DBNL: variants seen among roughly 807,000 people sequenced by gnomAD.
DBNL encodes the protein drebrin-like protein.
In DBNL, 35 loss-of-function variants were observed where a neutral mutation model predicts 62.2. The ratio of observed to expected loss-of-function variants is 0.56; its 90% CI spans 0.43 to 0.75. The LOEUF (loss-of-function observed/expected upper bound fraction) is 0.75. Among genes scored for constraint, DBNL ranks in the 30% least tolerant of loss-of-function variants. DBNL has a pLI of 0.00. For synonymous variants in DBNL, 197 were observed against 218.0 expected, an observed-to-expected ratio of 0.90 and a Z score of 0.85; for missense variants, 495 against 578.4, an observed-to-expected ratio of 0.86 and a Z score of 1.48.
At position 44,062,661 on chromosome 7, in the gene DBNL, G is replaced by A. The variant is rs2096151339; in HGVS notation, c.*1745G>A. ...GGGAGGGTGGGTGGCTGCACCCCTG[G>A]TTCTGGAGTCCCCACAGCTGATGGC... On this transcript the variant is annotated 3_prime_UTR_variant, in exon 13 of 13. Coordinates refer to ENST00000448521, the MANE Select transcript of DBNL (RefSeq NM_001014436.3). 1 of 1,310,688 alleles carries A rather than the reference G, an allele frequency of 7.6e-7. No individual in the cohort carries two copies. The highest frequency in any genetic ancestry group is 1.5e-5 in the African/African-American group (1 of 68,804). The allele number at this position is 1,310,688 out of a possible 1,614,324, so 81.2% of individuals were successfully genotyped here. A position where few individuals can be genotyped will look rare whatever the true frequency, so the allele number is the denominator to read the frequency against.
Position 44,050,189 on chromosome 7 carries a change from G to A in DBNL, c.84-36G>A. 3.1e-6 allele frequency: 5 copies of A among 1,611,426 alleles called. No homozygotes were observed. The South Asian group carries it at 4.4e-5, about 14-fold the overall frequency. ...ACGGTGAGGAGAGATGGAACCCAAGGTGCTGGCTACAGAGCTCACTTGTGT... is the reference window on the plus strand; with the variant it reads ...ACGGTGAGGAGAGATGGAACCCAAGATGCTGGCTACAGAGCTCACTTGTGT... On this transcript the variant is annotated intron_variant, in intron 1 of 12. Coordinates refer to ENST00000448521, the MANE Select transcript of DBNL (RefSeq NM_001014436.3).
Position 44,050,093 on chromosome 7 carries a change from G to A in DBNL, c.84-132G>A, listed in dbSNP as rs940279489. 26 of 960,842 alleles carry A rather than the reference G, an allele frequency of 2.7e-5. No individual in the cohort carries two copies. In the African/African-American group the frequency reaches 3.4e-4, roughly 13 times the overall value. The allele number at this position is 960,842 out of a possible 1,614,324, so 59.5% of individuals were successfully genotyped here. ...TAGTGGGTCAGAGCAAAGTGAGAAC[G>A]GGCCTGTGCCCACCCACAGTGTTAC... On this transcript the variant is annotated intron_variant, in intron 1 of 12. Coordinates refer to ENST00000448521, the MANE Select transcript of DBNL (RefSeq NM_001014436.3).
Position 44,062,383 on chromosome 7 carries a change from A to C in DBNL, c.*1467A>C. On this transcript the variant is annotated 3_prime_UTR_variant, in exon 13 of 13. Coordinates refer to ENST00000448521, the MANE Select transcript of DBNL (RefSeq NM_001014436.3). ...AGAGGACCACCTGCCCTCTGCAGGAAGCTGTCCAGGAAGCCGTGTCCTGGG... is the reference window on the plus strand; with the variant it reads ...AGAGGACCACCTGCCCTCTGCAGGACGCTGTCCAGGAAGCCGTGTCCTGGG... 1 of 302,990 alleles carries C rather than the reference A, an allele frequency of 3.3e-6. No homozygotes were observed. The highest frequency in any genetic ancestry group is 2.1e-5 in the African/African-American group (1 of 46,556). The allele number at this position is 302,990 out of a possible 1,614,324, so 18.8% of individuals were successfully genotyped here. A position where few individuals can be genotyped will look rare whatever the true frequency, so the allele number is the denominator to read the frequency against.
chr7:44,065,336 C>T lies in DBNL; in HGVS notation c.*4420C>T, dbSNP rs200420235. On this transcript the variant is annotated 3_prime_UTR_variant, in exon 13 of 13. Coordinates refer to ENST00000448521, the MANE Select transcript of DBNL (RefSeq NM_001014436.3). Reference sequence around the variant, plus strand: ...GCCGTCCAGGATGGCCCAGAGGGTGCGGATGGCCCGCTTCAGCACTGACGT... The same window carrying T: ...GCCGTCCAGGATGGCCCAGAGGGTGTGGATGGCCCGCTTCAGCACTGACGT... The T allele has an allele frequency of 2.8e-5, 45 of 1,613,464 alleles. No homozygotes were observed. Among genetic ancestry groups the T allele is most frequent in the African/African-American group, 2.1e-4 (16 of 74,914 alleles).
chr7:44,062,758 C>T lies in DBNL; in HGVS notation c.*1842C>T. On this transcript the variant is annotated 3_prime_UTR_variant, in exon 13 of 13. Transcript: ENST00000448521. ...GGGAGGTGCCTTTATTGCCCAAGCC[C>T]ACCCCTCACTTGGCCTTGCCCTGGG... 1 of 1,614,054 alleles carries T rather than the reference C, an allele frequency of 6.2e-7. No homozygotes were observed. Among genetic ancestry groups the T allele is most frequent in the South Asian group, 1.1e-5 (1 of 91,078 alleles).
chr7:44,059,078 T>C lies in DBNL; in HGVS notation c.835+95T>C, dbSNP rs191933558. 3.5e-4 allele frequency: 475 copies of C among 1,350,872 alleles called. 1 individual carries two copies. The African/African-American group carries it at 6.3e-3, about 18-fold the overall frequency. The allele number at this position is 1,350,872 out of a possible 1,614,324, so 83.7% of individuals were successfully genotyped here. On this transcript the variant is annotated intron_variant, in intron 9 of 12. Coordinates refer to ENST00000448521, the MANE Select transcript of DBNL (RefSeq NM_001014436.3). The surrounding 1 kb of genome is among the most constrained non-coding windows in gnomAD (Gnocchi z 4.1). The stretch of plus-strand genomic sequence containing the variant: ...GCTCCCCCAAGGCTAGTGACAGATA[T>C]ATCGGTGACGGGTGAGTGAGTGAGG...
chr7:44,051,683 A>T, intron 2 of DBNL, 147 bp from the exon 3 acceptor site: 1 of 681,258 alleles, frequency 1.5e-6, no homozygotes, highest in Admixed American at 2.9e-5. Flanking sequence ...CAGGACTCTG[A>T]TTTTAAACAT....
At chr7:44,058,556 C>T (rs2096141409) in intron 8 of DBNL, 76 bp downstream of exon 8, 1 of 1,564,952 alleles carries the variant, frequency 6.4e-7, no homozygotes, top group African/African-American at 1.4e-5. Flanking sequence ...ATTGAGGGCC[C>T]AGCCCAGACC....
rs1273624641 is a variant in DBNL at position 44,061,103 on chromosome 7, C to T, written c.*187C>T. The T allele has an allele frequency of 1.4e-6, 1 of 731,082 alleles. No homozygotes were observed. The highest frequency in any genetic ancestry group is 3.0e-5 in the Admixed American group (1 of 32,980). The allele number at this position is 731,082 out of a possible 1,614,324, so 45.3% of individuals were successfully genotyped here. A position where few individuals can be genotyped will look rare whatever the true frequency, so the allele number is the denominator to read the frequency against. On this transcript the variant is annotated 3_prime_UTR_variant, in exon 13 of 13. Coordinates refer to ENST00000448521, the MANE Select transcript of DBNL (RefSeq NM_001014436.3). ...CAAATGCAGCAATGGCCTGGTGATT[C>T]CCACACATCCTTCCTGCATCCCCCG...
Position 44,064,606 on chromosome 7 carries a change from C to G in DBNL, c.*3690C>G. ...GAGCCTGCCCCACCTCGGGACACAG[C>G]GAGCTTCGAGTGCAGTCAGCCCCTG... On this transcript the variant is annotated 3_prime_UTR_variant, in exon 13 of 13. Coordinates refer to ENST00000448521, the MANE Select transcript of DBNL (RefSeq NM_001014436.3). 1 of 575,812 alleles carries G rather than the reference C, an allele frequency of 1.7e-6. No individual in the cohort carries two copies. Among genetic ancestry groups the G allele is most frequent in the Non-Finnish European group, 3.1e-6 (1 of 320,910 alleles). 35.7% of individuals were successfully genotyped at this position (575,812 alleles called of 1,614,324 possible). A position where few individuals can be genotyped will look rare whatever the true frequency, so the allele number is the denominator to read the frequency against.
At chr7:44,046,721 GC>G (rs2096117953) in intron 1 of DBNL, among the ~76,000 whole-genome samples, 1 of 152,190 alleles carries the variant, frequency 6.6e-6, no homozygotes, top group Non-Finnish European at 1.5e-5. Flanking sequence ...TAGTTACTCA[GC>G]AGATACTATG....
intron 1 of DBNL, among the ~76,000 whole-genome samples, chr7:44,049,380 TCTC>T (rs1215718105): frequency 6.6e-6 from 1 of 152,174 alleles, no homozygotes; most frequent in African/African-American, 2.4e-5. Context: ...ATGGTCTCGA[TCTC>T]CTGACCTCGT....
At position 44,064,332 on chromosome 7, in the gene DBNL, GAGAT is replaced by G. The variant is rs2096154951; in HGVS notation, c.*3419_*3422del. The G allele has an allele frequency of 5.0e-6, 1 of 199,072 alleles. No homozygotes were observed. The highest frequency in any genetic ancestry group is 5.3e-5 in the Admixed American group (1 of 18,850). The allele number at this position is 199,072 out of a possible 1,614,324, so 12.3% of individuals were successfully genotyped here. A position where few individuals can be genotyped will look rare whatever the true frequency, so the allele number is the denominator to read the frequency against. On this transcript the variant is annotated 3_prime_UTR_variant, in exon 13 of 13. Coordinates refer to ENST00000448521, the MANE Select transcript of DBNL (RefSeq NM_001014436.3). ...TTTGCCCAGAGAGGGGCTCCAGAGGGAGATAGGTGGTGAAGCTCATGCAGGGATT... is the reference window on the plus strand; with the variant it reads ...TTTGCCCAGAGAGGGGCTCCAGAGGGAGGTGGTGAAGCTCATGCAGGGATT...
chr7:44,058,828 T>C, intron 8 of DBNL, 74 bp from the exon 9 acceptor site: 4 of 1,571,316 alleles, frequency 2.5e-6, no homozygotes, highest in Non-Finnish European at 2.6e-6. Flanking sequence ...GGCCGACAGC[T>C]GGAGGGGCTG....
rs1395667212 is a variant in DBNL, at chr7:44,056,754, C to T, written c.328-3C>T. On this transcript the variant is annotated splice_region_variant and splice_polypyrimidine_tract_variant and intron_variant, in intron 4 of 12. Coordinates refer to ENST00000448521, the MANE Select transcript of DBNL (RefSeq NM_001014436.3). ...CTTCTTTCAAGTGCTGCTCCTGCTG[C>T]AGGGGGCCCATGTGACCATCAACGC... 1 of 1,613,774 alleles carries T rather than the reference C, an allele frequency of 6.2e-7. No homozygotes were observed. Among genetic ancestry groups the T allele is most frequent in the Non-Finnish European group, 8.5e-7 (1 of 1,180,024 alleles).
intron 8 of DBNL, 97 bp downstream of exon 8, chr7:44,058,577 C>T: frequency 1.3e-6 from 2 of 1,501,276 alleles, no homozygotes; most frequent in Non-Finnish European, 1.8e-6. Context: ...TGGGCAGAGG[C>T]TGCCCTGCAG....
rs776562464 is a variant in DBNL, at chr7:44,051,812, A to T, written c.140-18A>T. 1 of 1,612,934 alleles carries T rather than the reference A, an allele frequency of 6.2e-7. No individual in the cohort carries two copies. The highest frequency in any genetic ancestry group is 8.5e-7 in the Non-Finnish European group (1 of 1,179,108). On this transcript the variant is annotated intron_variant, in intron 2 of 12. Transcript: ENST00000448521. ...AATGTCAGGGCCACCCCTGACCTTC[A>T]CTGTGACTCTGCTGCAGAGGGTGGC...
Position 44,059,217 on chromosome 7 carries a change from TG to T in DBNL, c.836-133del. The T allele has an allele frequency of 1.0e-6, 1 of 979,178 alleles. No individual in the cohort carries two copies. Among genetic ancestry groups the T allele is most frequent in the Non-Finnish European group, 1.5e-6 (1 of 661,276 alleles). The allele number at this position is 979,178 out of a possible 1,614,324, so 60.7% of individuals were successfully genotyped here. A position where few individuals can be genotyped will look rare whatever the true frequency, so the allele number is the denominator to read the frequency against. On this transcript the variant is annotated intron_variant, in intron 9 of 12. Transcript: ENST00000448521. This position sits in a 1 kb window ranked among gnomAD's most constrained non-coding sequence, Gnocchi z 4.1. ...CACGTCACCACATAGCACATGGCCC[TG>T]GGGCCTCTGTTCCTGCACTAGCAAG... is the stretch of plus-strand genomic sequence containing the variant.
At chr7:44,045,557 C>A (rs754283647) in intron 1 of DBNL, among the ~76,000 whole-genome samples, 11 of 152,226 alleles carry the variant, frequency 7.2e-5, no homozygotes, top group Non-Finnish European at 1.6e-4. Flanking sequence ...AATCCCAGTT[C>A]TGAGAAATAT....
Sources: allele counts gnomAD v4.1 joint callset (sites outside exome capture counted in the v4.1 genomes callset), GRCh38; gene constraint gnomAD v4.1.1; non-coding constraint Gnocchi (gnomAD v3.1); transcripts MANE v1.5; gene names NCBI Gene and HGNC (gene_info 2026-07-23, HGNC 2026-07-21).